RXFP1: variants seen among roughly 807,000 people sequenced by gnomAD.
RXFP1 encodes the protein relaxin family peptide receptor 1, also known as relaxin receptor 1.
In RXFP1, 73 loss-of-function variants were observed where a neutral mutation model predicts 89.8. The ratio of observed to expected loss-of-function variants is 0.81; its 90% confidence interval spans 0.67 to 0.99. RXFP1 has a LOEUF of 0.99. RXFP1 is among the 50% of genes least tolerant of loss of function. The pLI, the probability that RXFP1 is intolerant of heterozygous loss-of-function variation, is 0.00. For missense variants in RXFP1, 793 were observed against 895.5 expected (o/e 0.89, Z 1.46); for synonymous variants, 277 against 305.5 (o/e 0.91, Z 0.97).
intron 1 of RXFP1, among the ~76,000 whole-genome samples, chr4:158,557,297 T>C (rs1293784652): frequency 1.3e-5 from 2 of 152,230 alleles, no homozygotes; most frequent in African/African-American, 4.8e-5. Flanking sequence ...CAAGTTGCTC[T>C]CAAATTTTTA....
chr4:158,639,366 T>A, intron 14 of RXFP1, 35 bp downstream of exon 14: 1 of 1,136,532 alleles, frequency 8.8e-7, no homozygotes, highest in Non-Finnish European at 1.3e-6. Flanking sequence ...CACTGTGATG[T>A]TAATATTTGT....
intron 1 of RXFP1, among the ~76,000 whole-genome samples, chr4:158,525,280 G>A (rs1464724995): frequency 6.6e-6 from 1 of 151,466 alleles, no homozygotes; most frequent in Non-Finnish European, 1.5e-5. Context: ...GTGCAATTTG[G>A]TACATGCCTA....
rs762832148 is a variant in RXFP1, at chr4:158,521,901, T to G, written c.-76T>G. ...GCAGACAGAAATAGCACACAACCAC[T>G]GTGAGCTGTATGCGATTCAGAAACC... is the stretch of plus-strand genomic sequence containing the variant. On this transcript the variant is annotated 5_prime_UTR_variant, in exon 1 of 18. Transcript: ENST00000307765. 5.5e-6 allele frequency: 5 copies of G among 912,840 alleles called. No individual in the cohort carries two copies. Among genetic ancestry groups the G allele is most frequent in the Non-Finnish European group, 7.2e-6 (4 of 558,394 alleles). 56.5% of individuals were successfully genotyped at this position (912,840 alleles called of 1,614,324 possible).
rs147323652 is a variant in RXFP1, at chr4:158,642,781, C to T, written c.1116-2128C>T. ...GTAATTCCTGAGGTTTGTTGCCTCA[C>T]GCCAAGGAAATTAAGGACGTGGACA... is the stretch of plus-strand genomic sequence containing the variant. On this transcript the variant is annotated intron_variant, in intron 14 of 17. Transcript: ENST00000307765. Among the ~76,000 whole-genome samples, 206 of 152,164 alleles carry T rather than the reference C, an allele frequency of 1.4e-3. 1 individual carries two copies. The highest frequency in any genetic ancestry group is 3.7e-3 in the Admixed American group (56 of 15,276).
chr4:158,567,060 G>T (rs1753731603), intron 1 of RXFP1, among the ~76,000 whole-genome samples: 1 of 152,190 alleles, frequency 6.6e-6, no homozygotes, highest in Non-Finnish European at 1.5e-5. Flanking sequence ...CGCCAGTCAG[G>T]GGTAGTGAGG....
At chr4:158,543,121 C>T (rs553045439) in intron 1 of RXFP1, among the ~76,000 whole-genome samples, 1 of 152,172 alleles carries the variant, frequency 6.6e-6, no homozygotes, top group African/African-American at 2.4e-5. Flanking sequence ...AAGTTTAACA[C>T]ACACACACCT....
At chr4:158,631,018 A>G (rs1767926135) in intron 11 of RXFP1, among the ~76,000 whole-genome samples, 1 of 152,250 alleles carries the variant, frequency 6.6e-6, no homozygotes, top group South Asian at 2.1e-4. Flanking sequence ...GAGTTCATTC[A>G]GAAATGGACC....
At chr4:158,613,077 T>C (rs1408071547) in intron 8 of RXFP1, among the ~76,000 whole-genome samples, 2 of 152,244 alleles carry the variant, frequency 1.3e-5, no homozygotes, top group East Asian at 1.9e-4. Context: ...TACACTATAC[T>C]ATATTCAATT....
At chr4:158,525,144 A>C (rs1035689927) in intron 1 of RXFP1, among the ~76,000 whole-genome samples, 1 of 151,514 alleles carries the variant, frequency 6.6e-6, no homozygotes, top group Admixed American at 6.6e-5. Context: ...TATTTATCCA[A>C]TTCCAAAAGA....
At chr4:158,522,333 T>G (rs1282401569) in intron 1 of RXFP1, among the ~76,000 whole-genome samples, 5 of 152,248 alleles carry the variant, frequency 3.3e-5, no homozygotes, top group Admixed American at 1.3e-4. Context: ...ATTCTTAAAC[T>G]GTATTCAAGG....
rs1772004340 is a variant in RXFP1 at position 158,648,496 on chromosome 4, T to C, written c.1757-3T>C. The C allele has an allele frequency of 6.5e-7, 1 of 1,542,510 alleles. No homozygotes were observed. ...TTAATAATACTGTTTGTATTCCAAA[T>C]AGGTATTAATTTGGCCGCATTTATC... On this transcript the variant is annotated splice_region_variant and splice_polypyrimidine_tract_variant and intron_variant, in intron 16 of 17. Coordinates refer to ENST00000307765, the MANE Select transcript of RXFP1 (RefSeq NM_021634.4).
At chr4:158,587,857 G>T (rs1424629195) in intron 2 of RXFP1, among the ~76,000 whole-genome samples, 7 of 152,146 alleles carry the variant, frequency 4.6e-5, no homozygotes, top group African/African-American at 1.7e-4. Flanking sequence ...AGCACAACAT[G>T]ATGGGTACTT....
intron 9 of RXFP1, among the ~76,000 whole-genome samples, chr4:158,626,111 T>TAGATAGATAG (rs1766658287): frequency 1.3e-4 from 18 of 136,592 alleles, no homozygotes; most frequent in African/African-American, 4.7e-4. Flanking sequence ...TAGATATCTA[T>TAGATAGATAG]ATAGATAGAT....
intron 8 of RXFP1, among the ~76,000 whole-genome samples, chr4:158,614,425 G>A (rs1313215123): frequency 2.0e-5 from 3 of 152,214 alleles, no homozygotes; most frequent in East Asian, 3.8e-4. Flanking sequence ...CTTCATGAAT[G>A]ATCTTAGCTA....
In RXFP1 at chr4:158,653,210, G is replaced by A. The variant is rs952804316; in HGVS notation, c.*1155G>A. The A allele has an allele frequency of 1.5e-4, 23 of 152,138 alleles. No homozygotes were observed. Among genetic ancestry groups the A allele is most frequent in the African/African-American group, 5.6e-4 (23 of 41,418 alleles). 9.4% of individuals were successfully genotyped at this position (152,138 alleles called of 1,614,324 possible). A position where few individuals can be genotyped will look rare whatever the true frequency, so the allele number is the denominator to read the frequency against. On this transcript the variant is annotated 3_prime_UTR_variant, in exon 18 of 18. Coordinates refer to ENST00000307765, the MANE Select transcript of RXFP1 (RefSeq NM_021634.4). ...TTAGAATTTTTTGCTTTCATAATGT[G>A]AAACCTTTAAGCAGGAGAAGAAAAT...
chr4:158,543,560 G>A (rs1747386888), intron 1 of RXFP1, among the ~76,000 whole-genome samples: 1 of 152,112 alleles, frequency 6.6e-6, no homozygotes, highest in African/African-American at 2.4e-5. Context: ...AACAAGATGG[G>A]GATTGTGTTA....
intron 1 of RXFP1, chr4:158,544,277 T>C: frequency 1.0e-6 from 1 of 985,316 alleles, no homozygotes; most frequent in Non-Finnish European, 1.2e-6. Context: ...TCTGACCTTG[T>C]GGGACAATAA....
chr4:158,562,341 G>A (rs1409565913), intron 1 of RXFP1, among the ~76,000 whole-genome samples: 3 of 151,044 alleles, frequency 2.0e-5, no homozygotes, highest in South Asian at 2.1e-4. Flanking sequence ...CGGCTAAAAC[G>A]GTGAAACCCC....
chr4:158,566,446 C>T (rs1443049566), intron 1 of RXFP1, among the ~76,000 whole-genome samples: 1 of 152,136 alleles, frequency 6.6e-6, no homozygotes, highest in Non-Finnish European at 1.5e-5. Context: ...TCACTGCAAC[C>T]TCCACCTTCA....
Sources: gnomAD v4.1 joint callset for allele counts (sites outside exome capture counted in the v4.1 genomes callset) on GRCh38, gnomAD v4.1.1 for gene constraint, MANE v1.5 for transcripts, NCBI Gene and HGNC (gene_info 2026-07-23, HGNC 2026-07-21) for gene names.